The following ING5 variants were observed in gnomAD, a reference collection of about 807,000 sequenced individuals.
ING5 encodes the protein inhibitor of growth protein 5.
Under a neutral mutation model 37.4 loss-of-function variants are expected in ING5, and 17 were observed. The ratio of observed to expected loss-of-function variants is 0.45; its 90% CI spans 0.31 to 0.68. The LOEUF (loss-of-function observed/expected upper bound fraction) is 0.68. Ranked by LOEUF, ING5 falls within the 30% of genes least tolerant of loss-of-function variation. The pLI, the probability that ING5 is intolerant of heterozygous loss-of-function variation, is 0.05. For synonymous variants in ING5, 123 were observed against 116.6 expected (o/e 1.06, Z -0.36); for missense variants, 233 against 311.9 (o/e 0.75, Z 1.91).
chr2:241,701,754 G>A (rs2069731122), upstream of ING5, among the ~76,000 whole-genome samples: 2 of 152,258 alleles, frequency 1.3e-5, no homozygotes, highest in African/African-American at 4.8e-5. Context: ...TGACAGGTGC[G>A]GAGGGGAGAC....
rs780896311 is a variant in ING5 at position 241,704,643 on chromosome 2, T to C, written c.38-10T>C. On this transcript the variant is annotated splice_polypyrimidine_tract_variant and intron_variant, in intron 1 of 7. Coordinates refer to ENST00000313552, the MANE Select transcript of ING5 (RefSeq NM_032329.6). Reference sequence around the variant, plus strand: ...GAGAGGTACATGGCTTCTGTGTTTTTGCGTTTCAGGTATCGAGAACCTTCC... The same window carrying C: ...GAGAGGTACATGGCTTCTGTGTTTTCGCGTTTCAGGTATCGAGAACCTTCC... The C allele has an allele frequency of 2.9e-5, 46 of 1,613,198 alleles. 1 individual carries two copies. In the Middle Eastern group the frequency reaches 6.6e-4, roughly 23 times the overall value.
At chr2:241,711,916 A>G (rs75067052) in intron 4 of ING5, 62 bp from the exon 5 acceptor site, 1 of 1,439,744 alleles carries the variant, frequency 6.9e-7, no homozygotes, top group Non-Finnish European at 9.4e-7. Context: ...AAAACAAAAC[A>G]CAAAACTTGC....
chr2:241,693,887 G>A (rs1559294472), intron 2 of ING5, among the ~76,000 whole-genome samples: 1 of 150,822 alleles, frequency 6.6e-6, no homozygotes, highest in Non-Finnish European at 1.5e-5. Flanking sequence ...TCGAACTCCT[G>A]ACCTCAGGTG....
rs577174574 is a variant in ING5, at chr2:241,725,275, C to T, written c.*244C>T. On this transcript the variant is annotated 3_prime_UTR_variant, in exon 8 of 8. Transcript: ENST00000313552. ...TTACAGGACTCCCCCCGAGCATCAG[C>T]AGGGACCCCGGCGGACGTGGGCGGG... 224 of 536,784 alleles carry T rather than the reference C, an allele frequency of 4.2e-4. No individual in the cohort carries two copies. Among genetic ancestry groups the T allele is most frequent in the Non-Finnish European group, 5.7e-4 (171 of 297,422 alleles). 33.3% of individuals were successfully genotyped at this position (536,784 alleles called of 1,614,324 possible).
chr2:241,720,802 G>A lies in ING5; in HGVS notation c.483-2137G>A, dbSNP rs889793413. 4.1e-6 allele frequency: 4 copies of A among 985,652 alleles called. No homozygotes were observed. The East Asian group carries it at 4.5e-4, about 112-fold the overall frequency. The allele number at this position is 985,652 out of a possible 1,614,324, so 61.1% of individuals were successfully genotyped here. On this transcript the variant is annotated intron_variant, in intron 5 of 7. Coordinates refer to ENST00000313552, the MANE Select transcript of ING5 (RefSeq NM_032329.6). ...TGGGGTCACCCTGGCCTGTGCAAGGGACAGGGCTCCCCATGGCCTCCTGGT... is the reference window on the plus strand; with the variant it reads ...TGGGGTCACCCTGGCCTGTGCAAGGAACAGGGCTCCCCATGGCCTCCTGGT...
chr2:241,704,875 C>T (rs1156505380), intron 2 of ING5, 151 bp downstream of exon 2: 4 of 654,404 alleles, frequency 6.1e-6, no homozygotes, highest in South Asian at 1.7e-5. Flanking sequence ...CAGTGTCTTG[C>T]AGTAGGTGTT....
intron 5 of ING5, 94 bp downstream of exon 5, chr2:241,712,165 G>C: frequency 1.0e-6 from 1 of 985,428 alleles, no homozygotes; most frequent in East Asian, 2.6e-5. Flanking sequence ...CCCGAGTGAA[G>C]TGCACCCCGT....
intron 5 of ING5, chr2:241,721,367 C>T (rs1184213510): frequency 1.0e-6 from 1 of 985,356 alleles, no homozygotes; most frequent in African/African-American, 1.7e-5. Flanking sequence ...AAGAGAAACC[C>T]CTGTCTATTC....
At chr2:241,688,518 A>G (rs1012184205) in intron 1 of ING5, among the ~76,000 whole-genome samples, 2 of 152,182 alleles carry the variant, frequency 1.3e-5, no homozygotes, top group Non-Finnish European at 2.9e-5. Context: ...GAGTAGCTTT[A>G]TGTTTTCCAG....
At position 241,727,604 on chromosome 2, in the gene ING5, C is replaced by G. The variant is rs111798945; in HGVS notation, c.*2573C>G. 7.9e-5 allele frequency: 12 copies of G among 152,370 alleles called. No homozygotes were observed. Among genetic ancestry groups the G allele is most frequent in the African/African-American group, 2.9e-4 (12 of 41,576 alleles). The allele number at this position is 152,370 out of a possible 1,614,324, so 9.4% of individuals were successfully genotyped here. On this transcript the variant is annotated 3_prime_UTR_variant, in exon 8 of 8. Coordinates refer to ENST00000313552, the MANE Select transcript of ING5 (RefSeq NM_032329.6). ...TGCTGGGATGACAGGCATGAGCCAC[C>G]GCACCCGGCCAACACAGATGTTTAT...
upstream of ING5, among the ~76,000 whole-genome samples, chr2:241,699,038 T>TGGGGGGGGGG (rs570586792): frequency 7.2e-6 from 1 of 139,030 alleles, no homozygotes; most frequent in African/African-American, 3.0e-5. Context: ...AATTTTTTTT[T>TGGGGGGGGGG]GGGGGGGGAG....
At chr2:241,715,925 C>T (rs2070255754) in intron 5 of ING5, among the ~76,000 whole-genome samples, 1 of 151,852 alleles carries the variant, frequency 6.6e-6, no homozygotes, top group Non-Finnish European at 1.5e-5. Context: ...GGTCAAAGAA[C>T]ATTACATAAT....
Position 241,725,017 on chromosome 2 carries a change from A to T in ING5, c.709A>T (p.Arg237Trp), listed in dbSNP as rs1414508805. ...WFCPRCVQEK[R>W]KKK ...CTGTCCACGGTGTGTCCAGGAAAAG[A>T]GGAAGAAGAAGTAGGAGGAGCTGTG... is the stretch of plus-strand genomic sequence containing the variant. The change falls in exon 8 of 8, where the codon AGG (arginine) becomes TGG (tryptophan). Residue 237 changes from arginine (R) to tryptophan (W), a missense_variant. Arg to Trp is a moderately radical substitution (Grantham distance 101). Around this residue, in one of 4 missense-constraint regions of ING5, gnomAD observed 45 missense variants for 98.2 expected, o/e 0.46. Coordinates refer to ENST00000313552, the MANE Select transcript of ING5 (RefSeq NM_032329.6). 3 of 1,614,008 alleles carry T rather than the reference A, an allele frequency of 1.9e-6. No homozygotes were observed. The highest frequency in any genetic ancestry group is 2.5e-6 in the Non-Finnish European group (3 of 1,179,972).
At chr2:241,717,048 T>C (rs7569187) in intron 5 of ING5, among the ~76,000 whole-genome samples, 1,531 of 152,114 alleles carry the variant, frequency 0.01, 26 homozygotes, top group African/African-American at 0.035. Context: ...TATAGTTACC[T>C]CATATAGTTG....
chr2:241,699,483 T>TCA (rs1243576009), upstream of ING5, among the ~76,000 whole-genome samples: 2 of 152,184 alleles, frequency 1.3e-5, no homozygotes, highest in African/African-American at 4.8e-5. Flanking sequence ...TGATCATGGC[T>TCA]CACTGCAGCC....
rs748640592 is a variant in ING5, at chr2:241,723,298, T to G, written c.680+27T>G. The G allele has an allele frequency of 1.2e-5, 20 of 1,611,318 alleles. No individual in the cohort carries two copies. The South Asian group carries it at 2.2e-4, about 18-fold the overall frequency. ...TGAGTGTGGGGACGCTCGCTCTGTT[T>G]TCTCCCAGTCTGCTGGGTGTTGCGC... On this transcript the variant is annotated intron_variant, in intron 7 of 7. Coordinates refer to ENST00000313552, the MANE Select transcript of ING5 (RefSeq NM_032329.6).
rs1691660336 is a variant in ING5, at chr2:241,727,314, TTTTTG to T, written c.*2290_*2294del. Reference sequence around the variant, plus strand: ...GTGTGTGTGTGTGTGTGTGTTTTGTTTTTTGTTTTGTGTTTTTGAAACGGAGTTTT... The same window carrying T: ...GTGTGTGTGTGTGTGTGTGTTTTGTTTTTTGTGTTTTTGAAACGGAGTTTT... On this transcript the variant is annotated 3_prime_UTR_variant, in exon 8 of 8. Transcript: ENST00000313552. 4 of 151,670 alleles carry T rather than the reference TTTTTG, an allele frequency of 2.6e-5. No homozygotes were observed. In the South Asian group the frequency reaches 8.3e-4, roughly 32 times the overall value. 9.4% of individuals were successfully genotyped at this position (151,670 alleles called of 1,614,324 possible).
At position 241,723,109 on chromosome 2, in the gene ING5, G is replaced by A. The variant is rs375005470; in HGVS notation, c.618+35G>A. 2.1e-4 allele frequency: 338 copies of A among 1,614,172 alleles called. 8 individuals are homozygous for A. Among genetic ancestry groups the A allele is most frequent in the South Asian group, 2.1e-3 (187 of 91,090 alleles). On this transcript the variant is annotated intron_variant, in intron 6 of 7. Coordinates refer to ENST00000313552, the MANE Select transcript of ING5 (RefSeq NM_032329.6). ...GCCTGCAGGATTCGCGCCATGGGGCGGGGTCTTGTGTGGGGCAGGGCTGGC... is the reference window on the plus strand; with the variant it reads ...GCCTGCAGGATTCGCGCCATGGGGCAGGGTCTTGTGTGGGGCAGGGCTGGC...
At position 241,723,278 on chromosome 2, in the gene ING5, G is replaced by A; in HGVS notation, c.680+7G>A. 4 of 1,613,966 alleles carry A rather than the reference G, an allele frequency of 2.5e-6. No individual in the cohort carries two copies. Among genetic ancestry groups the A allele is most frequent in the Non-Finnish European group, 3.4e-6 (4 of 1,179,784 alleles). On this transcript the variant is annotated splice_region_variant and intron_variant, in intron 7 of 7. Transcript: ENST00000313552. ...CGAAACCCAAAGGAAAATGGTGAGTGTGGGGACGCTCGCTCTGTTTTCTCC... is the reference window on the plus strand; with the variant it reads ...CGAAACCCAAAGGAAAATGGTGAGTATGGGGACGCTCGCTCTGTTTTCTCC...
Sources: allele counts gnomAD v4.1 joint callset (sites outside exome capture counted in the v4.1 genomes callset), GRCh38; gene constraint gnomAD v4.1.1; regional missense constraint gnomAD v4.1.1; transcripts MANE v1.5; gene names NCBI Gene and HGNC (gene_info 2026-07-23, HGNC 2026-07-21).